Variants in SQSTM1 observed in about 807,000 individuals in gnomAD.
SQSTM1 encodes sequestosome 1.
SQSTM1 carries 36 observed loss-of-function variants against 45.1 expected under a neutral mutation model. The ratio of observed to expected loss-of-function variants is 0.80; its 90% CI spans 0.61 to 1.05. SQSTM1 has a LOEUF of 1.05. Ranked by LOEUF, SQSTM1 falls within the 50% of genes least tolerant of loss-of-function variation. The pLI, the probability that SQSTM1 is intolerant of heterozygous loss-of-function variation, is 0.00. For synonymous variants in SQSTM1, 290 were observed against 244.3 expected (o/e 1.19, Z -1.74); for missense variants, 617 against 607.1 (o/e 1.02, Z -0.17).
At chr5:179,834,236 T>TGGG (rs575654168) in intron 7 of SQSTM1, among the ~76,000 whole-genome samples, 15 of 7,050 alleles carry the variant, frequency 2.1e-3, no homozygotes, top group African/African-American at 0.01. Context: ...CAGGCAGCAG[T>TGGG]GGGGGGGTGG....
At chr5:179,823,136 TC>T in intron 2 of SQSTM1, 83 bp downstream of exon 2, 3 of 1,304,640 alleles carry the variant, frequency 2.3e-6, no homozygotes, top group Non-Finnish European at 3.3e-6. Flanking sequence ...GGCTCGATGT[TC>T]CACCAATGAA....
chr5:179,815,077 A>G (rs1204869317), upstream of SQSTM1, among the ~76,000 whole-genome samples: 4 of 152,084 alleles, frequency 2.6e-5, no homozygotes, highest in African/African-American at 7.2e-5. Context: ...TCTGGCTTGT[A>G]TTGTGACTGT....
Position 179,806,639 on chromosome 5 carries a change from C to A in SQSTM1, c.-157+48C>A, listed in dbSNP as rs1397581801. Reference sequence around the variant, plus strand: ...GCCGAGGCTGCATGGCCCGGGGGACCGGGGCCGGGGCGCAGGGGTCGGAAG... The same window carrying A: ...GCCGAGGCTGCATGGCCCGGGGGACAGGGGCCGGGGCGCAGGGGTCGGAAG... On this transcript the variant is annotated intron_variant, in intron 1 of 5. Transcript: ENST00000514093. This position sits in a 1 kb window ranked among gnomAD's most constrained non-coding sequence, Gnocchi z 4.6. 4.2e-6 allele frequency: 4 copies of A among 959,964 alleles called. No homozygotes were observed. Among genetic ancestry groups the A allele is most frequent in the Non-Finnish European group, 5.1e-6 (4 of 784,626 alleles). 59.5% of individuals were successfully genotyped at this position (959,964 alleles called of 1,614,324 possible). A position where few individuals can be genotyped will look rare whatever the true frequency, so the allele number is the denominator to read the frequency against.
At chr5:179,833,981 T>G (rs1352788781) in intron 7 of SQSTM1, among the ~76,000 whole-genome samples, 199 bp downstream of exon 7, 1 of 152,112 alleles carries the variant, frequency 6.6e-6, no homozygotes, top group Non-Finnish European at 1.5e-5. Flanking sequence ...CTAATGCAGT[T>G]CTGAAAATGT....
intron 7 of SQSTM1, chr5:179,835,121 C>T (rs1178769323): frequency 6.1e-5 from 13 of 212,658 alleles, no homozygotes; most frequent in Non-Finnish European, 1.1e-4. Context: ...TCCTCACATC[C>T]CAGACAGGGC....
chr5:179,817,224 C>T (rs1011625700), upstream of SQSTM1, among the ~76,000 whole-genome samples: 15 of 152,234 alleles, frequency 9.9e-5, no homozygotes, highest in African/African-American at 3.6e-4. Context: ...CCTTGCGCCC[C>T]GAGCTGGAAC....
In SQSTM1 at chr5:179,833,484, G is replaced by A. The variant is rs137950066; in HGVS notation, c.970-103G>A. On this transcript the variant is annotated intron_variant, in intron 6 of 7. Coordinates refer to ENST00000389805, the MANE Select transcript of SQSTM1 (RefSeq NM_003900.5). The stretch of plus-strand genomic sequence containing the variant: ...TAGACCCCTGCAGCCTTAACTGCAC[G>A]TGTGCATGCGTGCTCCCCGACTGTC... 7.9e-3 allele frequency: 9,965 copies of A among 1,258,288 alleles called. 56 individuals are homozygous for A. Among genetic ancestry groups the A allele is most frequent in the Non-Finnish European group, 9.6e-3 (8,395 of 874,836 alleles). 77.9% of individuals were successfully genotyped at this position (1,258,288 alleles called of 1,614,324 possible). A position where few individuals can be genotyped will look rare whatever the true frequency, so the allele number is the denominator to read the frequency against.
In SQSTM1 at chr5:179,837,754, T is replaced by C. The variant is rs1343794181; in HGVS notation, c.*1161T>C. 6.2e-6 allele frequency: 10 copies of C among 1,614,246 alleles called. No individual in the cohort carries two copies. Among genetic ancestry groups the C allele is most frequent in the Non-Finnish European group, 8.5e-6 (10 of 1,180,042 alleles). On this transcript the variant is annotated 3_prime_UTR_variant, in exon 8 of 8. Transcript: ENST00000389805. ...ATTGCGCCCATTTAGAGGATGTGGC[T>C]GTAACCTGCTGGATGGGACTCCATA...
upstream of SQSTM1, among the ~76,000 whole-genome samples, chr5:179,819,682 G>A (rs1015144127): frequency 2.0e-5 from 3 of 152,258 alleles, no homozygotes; most frequent in Non-Finnish European, 2.9e-5. Context: ...AGTGGCTCCA[G>A]CAGGCCCTGG....
In SQSTM1 at chr5:179,824,085, G is replaced by C. The variant is rs941154893; in HGVS notation, c.529G>C (p.Glu177Gln). Residue 177 changes from glutamate (E) to glutamine (Q), a missense_variant and splice_region_variant, in exon 3 of 8, where the codon GAG (glutamate) becomes CAG (glutamine). Glu to Gln is a conservative substitution (Grantham distance 29). Transcript: ENST00000389805. Reference protein sequence around the residue: ...AFPSPFGHLSEGFSHSRWLRK... With the variant: ...AFPSPFGHLSQGFSHSRWLRK... ...CCCCAGCCCCTTCGGGCACCTGTCT[G>C]AGGTGAGCAGGCCCTCTGTGCAGGC... is the stretch of plus-strand genomic sequence containing the variant. 10 of 1,613,748 alleles carry C rather than the reference G, an allele frequency of 6.2e-6. No individual in the cohort carries two copies. The African/African-American group carries it at 9.3e-5, about 15-fold the overall frequency.
chr5:179,813,051 A>G (rs745731881), intron 2 of SQSTM1: 4 of 146,662 alleles, frequency 2.7e-5, no homozygotes, highest in Admixed American at 6.8e-5. Context: ...GGGGTCCTTC[A>G]TCTTCTGCAG....
chr5:179,825,126 T>C lies in SQSTM1; in HGVS notation c.674-20T>C. 6.2e-7 allele frequency: 1 copy of C among 1,612,704 alleles called. No individual in the cohort carries two copies. Among genetic ancestry groups the C allele is most frequent in the South Asian group, 1.1e-5 (1 of 91,042 alleles). ...CAAGGCATTAAAGATATCTTTATCT[T>C]ATCTTTGTAAAAATCAAAGCTTCTG... On this transcript the variant is annotated intron_variant, in intron 4 of 7. Transcript: ENST00000389805.
rs770287311 is a variant in SQSTM1, at chr5:179,837,823, A to G, written c.*1230A>G. 6 of 1,613,280 alleles carry G rather than the reference A, an allele frequency of 3.7e-6. No homozygotes were observed. In the Admixed American group the frequency reaches 8.3e-5, roughly 22 times the overall value. ...TCAGCTCCCCGGCACTGCAGTCTGCAGAGTTCTCCTGGAGGCAGGGGCTGC... is the reference window on the plus strand; with the variant it reads ...TCAGCTCCCCGGCACTGCAGTCTGCGGAGTTCTCCTGGAGGCAGGGGCTGC... On this transcript the variant is annotated 3_prime_UTR_variant, in exon 8 of 8. Transcript: ENST00000389805.
upstream of SQSTM1, chr5:179,820,886 C>T: frequency 1.4e-6 from 2 of 1,426,030 alleles, no homozygotes; most frequent in South Asian, 1.4e-5. Flanking sequence ...ACAAAAGCCG[C>T]GCGGCGGCTG....
At position 179,836,407 on chromosome 5, in the gene SQSTM1, T is replaced by C. The variant is rs933630561; in HGVS notation, c.1166-29T>C. 9.9e-6 allele frequency: 16 copies of C among 1,613,910 alleles called. No homozygotes were observed. The East Asian group carries it at 3.1e-4, about 31-fold the overall frequency. On this transcript the variant is annotated intron_variant, in intron 7 of 7. Transcript: ENST00000389805. ...GGTCACTCACAGGGCTCAGCACCACTCCTCATGGCTTCCTTACTGTTTCGG... is the reference window on the plus strand; with the variant it reads ...GGTCACTCACAGGGCTCAGCACCACCCCTCATGGCTTCCTTACTGTTTCGG...
chr5:179,814,950 T>A (rs1328075525), upstream of SQSTM1, among the ~76,000 whole-genome samples: 1 of 152,218 alleles, frequency 6.6e-6, no homozygotes, highest in African/African-American at 2.4e-5. Context: ...GAATGTTTCC[T>A]AGCATAAAAG....
chr5:179,822,995 G>C lies in SQSTM1; in HGVS notation c.243G>C (p.Glu81Asp). The C allele has an allele frequency of 6.2e-7, 1 of 1,614,158 alleles. No homozygotes were observed. The highest frequency in any genetic ancestry group is 8.5e-7 in the Non-Finnish European group (1 of 1,180,010). The change falls in exon 2 of 8, where the codon GAG becomes GAC. Residue 81 changes from glutamate (E) to aspartate (D), a missense_variant. Transcript: ENST00000389805. ...DGDLVAFSSD[E>D]ELTMAMSYVK... is the part of the protein sequence containing the mutation. ...ACTTGGTTGCCTTTTCCAGTGACGA[G>C]GAATTGACAATGGCCATGTCCTACG...
chr5:179,823,303 T>C (rs1757854077), intron 2 of SQSTM1, among the ~76,000 whole-genome samples: 1 of 151,618 alleles, frequency 6.6e-6, no homozygotes, highest in African/African-American at 2.4e-5. Context: ...TTGTCGCTAC[T>C]AAAAATACAA....
chr5:179,818,204 G>A (rs1342420929), upstream of SQSTM1, among the ~76,000 whole-genome samples: 1 of 152,014 alleles, frequency 6.6e-6, no homozygotes, highest in Admixed American at 6.6e-5. Context: ...GAGCTGGCAT[G>A]ATTAGGAAGA....
Sources: gnomAD v4.1 joint callset for allele counts (sites outside exome capture counted in the v4.1 genomes callset) on GRCh38, gnomAD v4.1.1 for gene constraint, Gnocchi (gnomAD v3.1) non-coding constraint, MANE v1.5 for transcripts, NCBI Gene and HGNC (gene_info 2026-07-23, HGNC 2026-07-21) for gene names.